The following PTPN4 variants were observed in gnomAD, a reference collection of about 807,000 sequenced individuals.
The protein encoded by PTPN4 is protein tyrosine phosphatase non-receptor type 4.
In PTPN4, 49 loss-of-function variants were observed where a neutral mutation model predicts 135.5. The ratio of observed to expected loss-of-function variants is 0.36; its 90% CI spans 0.29 to 0.46. PTPN4 has a LOEUF of 0.46. PTPN4 is among the 20% of genes least tolerant of loss of function. The probability of loss-of-function intolerance (pLI) is 1.00; values close to 1 mark genes in which losing one functional copy is unlikely to be tolerated. For missense variants in PTPN4, 860 were observed against 1,101.0 expected, an observed-to-expected ratio of 0.78 and a Z score of 3.10; for synonymous variants, 333 against 369.9, an observed-to-expected ratio of 0.90 and a Z score of 1.14.
At chr2:119,931,960 T>C (rs1258316100) in intron 13 of PTPN4, among the ~76,000 whole-genome samples, 1 of 152,214 alleles carries the variant, frequency 6.6e-6, no homozygotes, top group Non-Finnish European at 1.5e-5. Context: ...ATTTTTGTTC[T>C]GTCTTCATTG....
chr2:119,959,289 AAAT>A (rs1326248569), intron 22 of PTPN4, among the ~76,000 whole-genome samples: 3 of 152,234 alleles, frequency 2.0e-5, no homozygotes, highest in Non-Finnish European at 4.4e-5. Flanking sequence ...ACACTTAGAA[AAAT>A]AATATCAGAG....
chr2:119,929,631 A>G (rs1678872103), intron 13 of PTPN4, among the ~76,000 whole-genome samples: 1 of 152,156 alleles, frequency 6.6e-6, no homozygotes, highest in African/African-American at 2.4e-5. Context: ...CCACATCGCA[A>G]ACACACTGAT....
At chr2:119,810,624 G>A (rs906525898) in intron 2 of PTPN4, among the ~76,000 whole-genome samples, 6 of 151,972 alleles carry the variant, frequency 3.9e-5, no homozygotes, top group African/African-American at 9.7e-5. Flanking sequence ...TCCACTTTGG[G>A]CTCTTACAAA....
chr2:119,804,955 T>C (rs1022819722), intron 1 of PTPN4, among the ~76,000 whole-genome samples: 11 of 152,232 alleles, frequency 7.2e-5, no homozygotes, highest in African/African-American at 2.7e-4. Flanking sequence ...TTCCTGACTT[T>C]TTAATGATCG....
At position 119,979,149 on chromosome 2, in the gene PTPN4, G is replaced by A. The variant is rs964071803; in HGVS notation, c.*2079G>A. The A allele has an allele frequency of 2.0e-5, 3 of 152,000 alleles. No individual in the cohort carries two copies. The South Asian group carries it at 6.2e-4, about 32-fold the overall frequency. 9.4% of individuals were successfully genotyped at this position (152,000 alleles called of 1,614,324 possible). A position where few individuals can be genotyped will look rare whatever the true frequency, so the allele number is the denominator to read the frequency against. On this transcript the variant is annotated 3_prime_UTR_variant, in exon 27 of 27. Coordinates refer to ENST00000263708, the MANE Select transcript of PTPN4 (RefSeq NM_002830.4). ...AAAACTGAGAAAGTAAAATTATGTC[G>A]GGGTCTACACATTAAATGACTGTTT...
chr2:119,778,456 T>C (rs1424880162), intron 1 of PTPN4, among the ~76,000 whole-genome samples: 4 of 152,210 alleles, frequency 2.6e-5, no homozygotes, highest in African/African-American at 7.2e-5. Context: ...TGTGTATCTC[T>C]AGCATCTAGC....
Position 119,932,509 on chromosome 2 carries a change from C to CGTCTTCCATCACGTGA in PTPN4, c.1156_1157insGTCTTCCATCACGTGA (p.Gln386ArgfsTer18). ...AATATCTGATGACAGGTTAGAAACA[C>CGTCTTCCATCACGTGA]AAAGTCTTCCATCACGATCTCCACC... On this transcript the variant is annotated frameshift_variant, in exon 14 of 27. Transcript: ENST00000263708. LOFTEE classifies it high-confidence loss of function. The CGTCTTCCATCACGTGA allele has an allele frequency of 6.2e-7, 1 of 1,611,854 alleles. No individual in the cohort carries two copies. Among genetic ancestry groups the CGTCTTCCATCACGTGA allele is most frequent in the Non-Finnish European group, 8.5e-7 (1 of 1,178,494 alleles).
At chr2:119,845,334 T>G (rs1346426189) in intron 2 of PTPN4, among the ~76,000 whole-genome samples, 1 of 151,662 alleles carries the variant, frequency 6.6e-6, no homozygotes, top group East Asian at 1.9e-4. Context: ...TTTCTTTAAA[T>G]TCACCAGGGA....
intron 12 of PTPN4, among the ~76,000 whole-genome samples, chr2:119,923,993 C>T (rs1015014359): frequency 1.3e-5 from 2 of 151,798 alleles, no homozygotes; most frequent in Admixed American, 6.6e-5. Flanking sequence ...AAAAATTAGC[C>T]GGGCGTAGTG....
intron 26 of PTPN4, among the ~76,000 whole-genome samples, chr2:119,975,038 C>T (rs570189085): frequency 6.6e-6 from 1 of 152,064 alleles, no homozygotes; most frequent in Non-Finnish European, 1.5e-5. Context: ...CTTTTTTTCA[C>T]AGCTCTTTTT....
chr2:119,805,081 CTT>C (rs1237059592), intron 1 of PTPN4, among the ~76,000 whole-genome samples: 2 of 152,054 alleles, frequency 1.3e-5, no homozygotes, highest in Non-Finnish European at 2.9e-5. Context: ...GCATAAATGT[CTT>C]TTTTTGAGAA....
At chr2:119,915,375 G>T (rs778792398) in intron 11 of PTPN4, 133 bp downstream of exon 11, 6 of 602,300 alleles carry the variant, frequency 1.0e-5, no homozygotes, top group Non-Finnish European at 1.6e-5. Flanking sequence ...CTGAGGTAAT[G>T]AATTCACTTG....
intron 9 of PTPN4, among the ~76,000 whole-genome samples, chr2:119,894,913 G>A (rs1678297067): frequency 6.6e-6 from 1 of 152,100 alleles, no homozygotes. Context: ...CCTGAGTATG[G>A]GAAAGTGGAC....
intron 5 of PTPN4, 79 bp downstream of exon 5, chr2:119,877,621 AAATT>A (rs1427819996): frequency 2.0e-6 from 3 of 1,483,340 alleles, no homozygotes; most frequent in East Asian, 4.7e-5. Context: ...AGGCAAAAAG[AAATT>A]ACTGTGGTGT....
intron 11 of PTPN4, 194 bp downstream of exon 11, chr2:119,915,436 AGTT>A (rs746969078): frequency 1.9e-5 from 7 of 359,488 alleles, no homozygotes; most frequent in Non-Finnish European, 3.5e-5. Context: ...TCTAATTTAA[AGTT>A]CTTCTAGATA....
At chr2:119,885,967 A>T (rs749842506) in intron 9 of PTPN4, 85 bp downstream of exon 9, 2 of 925,964 alleles carry the variant, frequency 2.2e-6, no homozygotes, top group Non-Finnish European at 1.6e-6. Flanking sequence ...TAACAAATGG[A>T]ATAAGTTATG....
rs1344111041 is a variant in PTPN4 at position 119,822,364 on chromosome 2, C to T, written c.138+12373C>T. Among the ~76,000 whole-genome samples the T allele has an allele frequency of 5.8e-4, 68 of 117,808 alleles. No homozygotes were observed. In the South Asian group the frequency reaches 6.0e-3, roughly 10 times the overall value. The allele number at this position is 117,808 out of a possible 152,430, so 77.3% of individuals were successfully genotyped here. A position where few individuals can be genotyped will look rare whatever the true frequency, so the allele number is the denominator to read the frequency against. On this transcript the variant is annotated intron_variant, in intron 2 of 26. Transcript: ENST00000263708. ...GTGTATTAGTATCCCCTCCCCCCCC[C>T]TTTTTTTTTTTTGAGATGGATTCTC...
chr2:119,775,125 A>G (rs1377815353), intron 1 of PTPN4, among the ~76,000 whole-genome samples: 3 of 114,040 alleles, frequency 2.6e-5, no homozygotes, highest in East Asian at 2.7e-4. Context: ...AAAAAAAAAA[A>G]GCCACAAAGG....
chr2:119,914,699 A>G (rs1313613519), intron 10 of PTPN4, among the ~76,000 whole-genome samples: 2 of 152,204 alleles, frequency 1.3e-5, no homozygotes, highest in African/African-American at 4.8e-5. Context: ...TCAATGAGAC[A>G]AAATGACTTG....
Sources: allele counts gnomAD v4.1 joint callset (sites outside exome capture counted in the v4.1 genomes callset), GRCh38; gene constraint gnomAD v4.1.1; transcripts MANE v1.5; gene names NCBI Gene and HGNC (gene_info 2026-07-23, HGNC 2026-07-21).